Variants in C10orf90 observed in about 807,000 individuals in gnomAD.
C10orf90 encodes the protein (E2-independent) E3 ubiquitin-conjugating enzyme FATS.
Under a neutral mutation model 62.5 loss-of-function variants are expected in C10orf90, and 56 were observed. That is an observed-to-expected ratio of 0.90 (90% CI 0.72 to 1.12). The LOEUF (loss-of-function observed/expected upper bound fraction) is 1.12. Among genes scored for constraint, C10orf90 ranks in the 50% most tolerant of loss-of-function variants. The pLI, the probability that C10orf90 is intolerant of heterozygous loss-of-function variation, is 0.00. For synonymous variants in C10orf90, 386 were observed against 340.4 expected, an observed-to-expected ratio of 1.13 and a Z score of -1.47; for missense variants, 970 against 880.4, an observed-to-expected ratio of 1.10 and a Z score of -1.29.
chr10:126,569,462 G>GGTCTGAGACCAAGAGAGACCAAGAGA (rs1844460744), intron 2 of C10orf90, among the ~76,000 whole-genome samples: 1 of 152,182 alleles, frequency 6.6e-6, no homozygotes, highest in African/African-American at 2.4e-5. Flanking sequence ...AAGAGAGACT[G>GGTCTGAGACCAAGAGAGACCAAGAGA]GACCTGCCTT....
chr10:126,506,618 C>T (rs1249600672), intron 3 of C10orf90, among the ~76,000 whole-genome samples: 4 of 152,292 alleles, frequency 2.6e-5, no homozygotes, highest in East Asian at 3.9e-4. Context: ...GTGGGTGGCA[C>T]CCAGGCATCT....
chr10:126,575,454 T>A (rs1411918675), intron 2 of C10orf90, among the ~76,000 whole-genome samples: 1 of 151,998 alleles, frequency 6.6e-6, no homozygotes, highest in Non-Finnish European at 1.5e-5. Flanking sequence ...AGACACCCCA[T>A]GCTCATGGAT....
At chr10:126,657,705 T>G (rs368416867) in intron 1 of C10orf90, among the ~76,000 whole-genome samples, 2 of 151,378 alleles carry the variant, frequency 1.3e-5, no homozygotes, top group South Asian at 2.1e-4. Flanking sequence ...AACCTCTGCC[T>G]CCTGGGTTCA....
At chr10:126,505,175 C>A (rs1466587236) in intron 3 of C10orf90, 90 bp from the exon 4 acceptor site, 11 of 1,358,704 alleles carry the variant, frequency 8.1e-6, no homozygotes, top group Non-Finnish European at 1.1e-5. Flanking sequence ...GATGCCAGAG[C>A]ACTGGGTTCA....
chr10:126,548,006 G>A (rs1306383161), intron 2 of C10orf90, among the ~76,000 whole-genome samples: 1 of 151,898 alleles, frequency 6.6e-6, no homozygotes, highest in Non-Finnish European at 1.5e-5. Flanking sequence ...TTTGAAAAGA[G>A]ACCAAAACCT....
At chr10:126,480,946 C>G (rs1861131912) in intron 4 of C10orf90, among the ~76,000 whole-genome samples, 1 of 152,120 alleles carries the variant, frequency 6.6e-6, no homozygotes, top group African/African-American at 2.4e-5. Context: ...AAATCGCAAA[C>G]TCCTCCTGGT....
intron 2 of C10orf90, among the ~76,000 whole-genome samples, chr10:126,620,804 T>C (rs920069061): frequency 7.9e-5 from 12 of 152,110 alleles, no homozygotes; most frequent in Non-Finnish European, 1.8e-4. Flanking sequence ...TGTTTGGTTT[T>C]AAATTTATAG....
chr10:126,657,980 G>A (rs1419237767), intron 1 of C10orf90, among the ~76,000 whole-genome samples: 2 of 152,160 alleles, frequency 1.3e-5, no homozygotes, highest in Non-Finnish European at 2.9e-5. Flanking sequence ...CATGCTGGGG[G>A]CAGAGGAGGC....
At chr10:126,584,527 C>A (rs766104312) in intron 2 of C10orf90, among the ~76,000 whole-genome samples, 3 of 152,124 alleles carry the variant, frequency 2.0e-5, no homozygotes, top group Non-Finnish European at 4.4e-5. Context: ...GGACTGGGAG[C>A]ATGAACAGAG....
intron 1 of C10orf90, among the ~76,000 whole-genome samples, chr10:126,664,763 C>T (rs921411642): frequency 6.6e-6 from 1 of 152,164 alleles, no homozygotes; most frequent in Non-Finnish European, 1.5e-5. Flanking sequence ...TCCATTGTAG[C>T]GAGATTGGAG....
At position 126,464,723 on chromosome 10, in the gene C10orf90, C is replaced by A. The variant is rs143599189; in HGVS notation, c.1798G>T (p.Val600Phe). 996 of 1,611,768 alleles carry A rather than the reference C, an allele frequency of 6.2e-4. 3 individuals are homozygous for A. The highest frequency in any genetic ancestry group is 7.0e-4 in the Non-Finnish European group (825 of 1,178,160). Residue 600 changes from valine to phenylalanine, a missense_variant, in exon 5 of 10, where the codon GTT becomes TTT. Coordinates refer to ENST00000488181, the MANE Select transcript of C10orf90 (RefSeq NM_001350921.2). ...TTGGGGAACTTGCTTTCTATCTGAA[C>A]ACCATTGTCTTCCTGCAGAGATGCA... is the stretch of plus-strand genomic sequence containing the variant. ...VCASLQEDNG[V>F]QIESKFPKGD...
intron 7 of C10orf90, among the ~76,000 whole-genome samples, chr10:126,455,412 A>T (rs1224493589): frequency 6.6e-6 from 1 of 152,184 alleles, no homozygotes; most frequent in Admixed American, 6.5e-5. Flanking sequence ...TTTCCACAAC[A>T]ACCTTGGCAA....
chr10:126,498,119 T>C (rs1343264510), intron 4 of C10orf90, among the ~76,000 whole-genome samples: 1 of 152,218 alleles, frequency 6.6e-6, no homozygotes, highest in East Asian at 1.9e-4. Flanking sequence ...GTGGTGTGAA[T>C]GTCCACCAGC....
chr10:126,615,731 C>A (rs1277852315), intron 2 of C10orf90, among the ~76,000 whole-genome samples: 1 of 152,050 alleles, frequency 6.6e-6, no homozygotes, highest in Non-Finnish European at 1.5e-5. Context: ...AGGGATAACA[C>A]CTATGCTCAG....
At chr10:126,621,985 C>T (rs1305468351) in intron 2 of C10orf90, among the ~76,000 whole-genome samples, 2 of 151,890 alleles carry the variant, frequency 1.3e-5, no homozygotes, top group African/African-American at 4.8e-5. Context: ...TTACCCCGTA[C>T]CTTCAGATTC....
At chr10:126,610,187 T>G (rs1845403188) in intron 2 of C10orf90, among the ~76,000 whole-genome samples, 2 of 152,190 alleles carry the variant, frequency 1.3e-5, no homozygotes, top group Non-Finnish European at 2.9e-5. Flanking sequence ...CTCTGGCTTC[T>G]AGGGGGTTCA....
chr10:126,508,723 C>T (rs1219809102), intron 3 of C10orf90, among the ~76,000 whole-genome samples: 1 of 152,150 alleles, frequency 6.6e-6, no homozygotes, highest in Non-Finnish European at 1.5e-5. Context: ...TTGGACAGGG[C>T]CTTTGGCTGC....
intron 2 of C10orf90, among the ~76,000 whole-genome samples, chr10:126,614,505 T>A (rs762249589): frequency 7.2e-5 from 11 of 152,150 alleles, no homozygotes; most frequent in Non-Finnish European, 1.3e-4. Flanking sequence ...CAAATTCAGA[T>A]GATCTCTGCC....
intron 2 of C10orf90, among the ~76,000 whole-genome samples, chr10:126,573,696 C>T (rs969597701): frequency 6.6e-6 from 1 of 152,186 alleles, no homozygotes; most frequent in South Asian, 2.1e-4. Context: ...TGAGAGCATC[C>T]CCAACCTTCA....
Sources: gnomAD v4.1 joint callset for allele counts (sites outside exome capture counted in the v4.1 genomes callset) on GRCh38, gnomAD v4.1.1 for gene constraint, MANE v1.5 for transcripts, NCBI Gene and HGNC (gene_info 2026-07-23, HGNC 2026-07-21) for gene names.